The following RAD51B variants were observed in gnomAD, a reference collection of about 807,000 sequenced individuals.
RAD51B encodes RAD51 paralog B, also known as DNA repair protein RAD51 homolog 2.
Under a neutral mutation model 42.2 loss-of-function variants are expected in RAD51B, and 38 were observed. That is an observed-to-expected ratio of 0.90 (90% CI 0.70 to 1.18). The LOEUF (loss-of-function observed/expected upper bound fraction) is 1.18, where lower values mean the gene tolerates loss of function less well. Among genes scored for constraint, RAD51B ranks in the 50% most tolerant of loss-of-function variants. The pLI, the probability that RAD51B is intolerant of heterozygous loss-of-function variation, is 0.00. For synonymous variants in RAD51B, 154 were observed against 145.2 expected (o/e 1.06, Z -0.43); for missense variants, 373 against 400.7 (o/e 0.93, Z 0.59).
At chr14:67,834,355 A>G (rs1344813066) in intron 3 of RAD51B, among the ~76,000 whole-genome samples, 1 of 139,054 alleles carries the variant, frequency 7.2e-6, no homozygotes, top group Non-Finnish European at 1.5e-5. Flanking sequence ...TAATATTCAC[A>G]GACAGGTTCT....
At chr14:68,379,622 A>G (rs1012206376) in intron 8 of RAD51B, among the ~76,000 whole-genome samples, 1 of 152,272 alleles carries the variant, frequency 6.6e-6, no homozygotes, top group Middle Eastern at 3.2e-3. Context: ...AAATGTAATC[A>G]CATTGGAAGG....
intron 10 of RAD51B, among the ~76,000 whole-genome samples, chr14:68,605,842 C>A (rs1464715264): frequency 6.6e-6 from 1 of 152,200 alleles, no homozygotes; most frequent in Non-Finnish European, 1.5e-5. Context: ...AACCTCTGCA[C>A]CCTTTCTTTA....
rs995666306 is a variant in RAD51B at position 68,214,515 on chromosome 14, C to T, written c.757-77369C>T. 1.9e-4 allele frequency among the ~76,000 whole-genome samples: 29 copies of T among 152,080 alleles called. 1 individual carries two copies. The highest frequency in any genetic ancestry group is 3.9e-4 in the Admixed American group (6 of 15,272). On this transcript the variant is annotated intron_variant, in intron 7 of 10. Transcript: ENST00000471583. ...TCTACGGCCCCCACTCCCTAAGATT[C>T]TTTTGAAATCAGTTAAGACACGCAT...
intron 5 of RAD51B, among the ~76,000 whole-genome samples, chr14:67,881,871 C>T (rs1180749852): frequency 1.3e-5 from 2 of 152,174 alleles, no homozygotes; most frequent in African/African-American, 2.4e-5. Context: ...CTTAAGTTTC[C>T]AGCTCTATAA....
chr14:68,356,545 G>A (rs1357337427), intron 8 of RAD51B, among the ~76,000 whole-genome samples: 2 of 65,810 alleles, frequency 3.0e-5, no homozygotes, highest in Non-Finnish European at 7.2e-5. Flanking sequence ...ATACTTAATT[G>A]CTAAAAAAAA....
At chr14:68,002,604 G>T (rs1487909416) in intron 7 of RAD51B, among the ~76,000 whole-genome samples, 1 of 152,134 alleles carries the variant, frequency 6.6e-6, no homozygotes, top group African/African-American at 2.4e-5. Flanking sequence ...ATCTTTGCCT[G>T]TGCCTATCTG....
chr14:68,498,368 A>G (rs1884690872), intron 10 of RAD51B, among the ~76,000 whole-genome samples: 1 of 152,252 alleles, frequency 6.6e-6, no homozygotes, highest in African/African-American at 2.4e-5. Flanking sequence ...ATAGCTAAGC[A>G]AGGGGCAGAC....
At chr14:68,213,001 G>A (rs536609393) in intron 7 of RAD51B, among the ~76,000 whole-genome samples, 2 of 152,290 alleles carry the variant, frequency 1.3e-5, no homozygotes, top group East Asian at 3.9e-4. Flanking sequence ...GTTTTGACCT[G>A]ATGGATGGAC....
chr14:68,280,491 T>G (rs2081299932), intron 7 of RAD51B, among the ~76,000 whole-genome samples: 1 of 152,160 alleles, frequency 6.6e-6, no homozygotes, highest in Non-Finnish European at 1.5e-5. Flanking sequence ...AACCTCAGTT[T>G]CCTCATCTTT....
intron 7 of RAD51B, among the ~76,000 whole-genome samples, chr14:68,020,626 T>TTA (rs893102628): frequency 3.9e-5 from 6 of 152,172 alleles, no homozygotes; most frequent in East Asian, 1.9e-4. Flanking sequence ...TTCATATTAC[T>TTA]TATATATATA....
intron 7 of RAD51B, among the ~76,000 whole-genome samples, chr14:68,157,066 A>G (rs1367811872): frequency 6.6e-6 from 1 of 152,096 alleles, no homozygotes; most frequent in South Asian, 2.1e-4. Flanking sequence ...GTGTGGTGGC[A>G]TGCACCTGTG....
intron 10 of RAD51B, among the ~76,000 whole-genome samples, chr14:68,573,915 C>A (rs1889832911): frequency 6.6e-6 from 1 of 152,022 alleles, no homozygotes; most frequent in African/African-American, 2.4e-5. Context: ...ATGGGCTGAG[C>A]TTGAGCTTTT....
chr14:68,538,579 T>C (rs888842905), intron 10 of RAD51B, among the ~76,000 whole-genome samples: 3 of 152,168 alleles, frequency 2.0e-5, no homozygotes, highest in African/African-American at 7.2e-5. Context: ...CTGCAAATGT[T>C]AGGGGTGGGC....
chr14:68,649,159 A>T (rs1406052488), intron 10 of RAD51B, among the ~76,000 whole-genome samples: 1 of 152,196 alleles, frequency 6.6e-6, no homozygotes, highest in Non-Finnish European at 1.5e-5. Flanking sequence ...AGATGGATTG[A>T]GCTCCCAGCT....
intron 7 of RAD51B, among the ~76,000 whole-genome samples, chr14:67,927,765 T>TTATA (rs2044574736): frequency 6.9e-6 from 1 of 144,908 alleles, no homozygotes; most frequent in Admixed American, 6.7e-5. Flanking sequence ...TGTGTATATA[T>TTATA]TATATATATA....
chr14:68,028,229 C>T (rs1311853533), intron 7 of RAD51B, among the ~76,000 whole-genome samples: 1 of 152,196 alleles, frequency 6.6e-6, no homozygotes. Context: ...CCTCTGTCAC[C>T]AGTACGTTGG....
At chr14:67,865,165 A>T in intron 5 of RAD51B, 26 bp downstream of exon 5, 1 of 1,570,686 alleles carries the variant, frequency 6.4e-7, no homozygotes. Flanking sequence ...TTCTATTATA[A>T]TGTTTTACTT....
At chr14:68,111,649 T>A (rs1249487964) in intron 7 of RAD51B, among the ~76,000 whole-genome samples, 1 of 152,018 alleles carries the variant, frequency 6.6e-6, no homozygotes, top group Non-Finnish European at 1.5e-5. Flanking sequence ...GAAAATCCAG[T>A]AATGTTCACC....
chr14:68,556,125 T>C (rs1335718454), intron 10 of RAD51B, among the ~76,000 whole-genome samples: 2 of 152,216 alleles, frequency 1.3e-5, no homozygotes, highest in Non-Finnish European at 2.9e-5. Flanking sequence ...TCAGCTGCTA[T>C]TCACTCAATG....
Sources: gnomAD v4.1 joint callset for allele counts (sites outside exome capture counted in the v4.1 genomes callset) on GRCh38, gnomAD v4.1.1 for gene constraint, MANE v1.5 for transcripts, NCBI Gene and HGNC (gene_info 2026-07-23, HGNC 2026-07-21) for gene names.